Variants in DOCK4 observed in about 807,000 individuals in gnomAD.
DOCK4 encodes the protein dedicator of cytokinesis 4.
In DOCK4, 97 loss-of-function variants were observed where a neutral mutation model predicts 268.1. The ratio of observed to expected loss-of-function variants is 0.36; its 90% CI spans 0.31 to 0.43. The LOEUF is 0.43. Ranked by LOEUF, DOCK4 falls within the 20% of genes least tolerant of loss-of-function variation. The probability of loss-of-function intolerance (pLI) is 1.00; values close to 1 mark genes in which losing one functional copy is unlikely to be tolerated. For missense variants in DOCK4, 2,145 were observed against 2,455.7 expected (o/e 0.87, Z 2.67); for synonymous variants, 954 against 887.2 (o/e 1.08, Z -1.34).
In DOCK4 at chr7:111,727,202, CCTT is replaced by C. The variant is rs1352800627; in HGVS notation, c.*1069_*1071del. ...AGCTAGAGAAGTCTACAGCAATCCTCCTTCAAGAGAAAGACGACAGGTCAGCTA... is the reference window on the plus strand; with the variant it reads ...AGCTAGAGAAGTCTACAGCAATCCTCCAAGAGAAAGACGACAGGTCAGCTA... On this transcript the variant is annotated 3_prime_UTR_variant, in exon 53 of 53. Coordinates refer to ENST00000428084, the MANE Select transcript of DOCK4 (RefSeq NM_001363540.2). The C allele has an allele frequency of 6.6e-6, 1 of 152,638 alleles. No homozygotes were observed. The highest frequency in any genetic ancestry group is 2.4e-5 in the African/African-American group (1 of 41,458). 9.5% of individuals were successfully genotyped at this position (152,638 alleles called of 1,614,324 possible).
At chr7:111,904,647 A>C (rs1465703858) in intron 13 of DOCK4, among the ~76,000 whole-genome samples, 1 of 152,150 alleles carries the variant, frequency 6.6e-6, no homozygotes, top group East Asian at 1.9e-4. Flanking sequence ...ATTCAAATAC[A>C]CTAAAGGCAT....
At chr7:111,762,757 G>GTTTT (rs1797499588) in intron 39 of DOCK4, among the ~76,000 whole-genome samples, 13 of 55,000 alleles carry the variant, frequency 2.4e-4, no homozygotes, top group South Asian at 1.4e-3. Context: ...ATTTTGTTTT[G>GTTTT]TTTTCTTTTT....
At chr7:111,981,730 T>A (rs939397397) in intron 7 of DOCK4, among the ~76,000 whole-genome samples, 1 of 152,178 alleles carries the variant, frequency 6.6e-6, no homozygotes, top group Admixed American at 6.6e-5. Flanking sequence ...ATGAAGACTT[T>A]GGACTAGGAT....
intron 26 of DOCK4, among the ~76,000 whole-genome samples, chr7:111,833,185 G>A (rs1802972408): frequency 6.6e-6 from 1 of 152,100 alleles, no homozygotes; most frequent in South Asian, 2.1e-4. Flanking sequence ...TGACATTATG[G>A]GTTTTTGTAC....
intron 30 of DOCK4, among the ~76,000 whole-genome samples, chr7:111,799,792 G>C (rs547889223): frequency 6.6e-6 from 1 of 152,108 alleles, no homozygotes; most frequent in African/African-American, 2.4e-5. Context: ...ACATGGGATT[G>C]CATTTGTAAC....
At chr7:112,123,993 G>A (rs1459014719) in intron 1 of DOCK4, among the ~76,000 whole-genome samples, 2 of 152,038 alleles carry the variant, frequency 1.3e-5, no homozygotes, top group Admixed American at 6.5e-5. Context: ...ATGAGGATAG[G>A]GTATTAGTTT....
rs932230976 is a variant in DOCK4, at chr7:112,098,525, A to G, written c.38-94394T>C. On this transcript the variant is annotated intron_variant, in intron 1 of 52. Transcript: ENST00000428084. ...AAATTATATATATATAATTTCCTTT[A>G]GCAGTGAATAGGTACTATTTTATAT... Among the ~76,000 whole-genome samples, 3 of 149,884 alleles carry G rather than the reference A, an allele frequency of 2.0e-5. No homozygotes were observed. The Admixed American group carries it at 2.0e-4, about 10-fold the overall frequency.
At chr7:111,977,059 T>C in intron 8 of DOCK4, 73 bp downstream of exon 8, 1 of 1,539,984 alleles carries the variant, frequency 6.5e-7, no homozygotes, top group Non-Finnish European at 8.8e-7. Context: ...ATATATATCT[T>C]ACAGCTTGCC....
intron 23 of DOCK4, among the ~76,000 whole-genome samples, chr7:111,856,475 C>G (rs1435209063): frequency 3.9e-5 from 6 of 152,184 alleles, no homozygotes; most frequent in Admixed American, 3.9e-4. Context: ...ATACATCTTT[C>G]TAGGTTCTTG....
rs1795330771 is a variant in DOCK4 at position 111,734,521 on chromosome 7, T to C, written c.5419+533A>G. ...CTGCTTAAACGACCACCTGAGGGGA[T>C]GCGGTACCCTGAATCAACCCTTTGC... On this transcript the variant is annotated intron_variant, in intron 51 of 52. Coordinates refer to ENST00000428084, the MANE Select transcript of DOCK4 (RefSeq NM_001363540.2). Among the ~76,000 whole-genome samples, 4 of 152,174 alleles carry C rather than the reference T, an allele frequency of 2.6e-5. No individual in the cohort carries two copies. The South Asian group carries it at 8.3e-4, about 31-fold the overall frequency.
chr7:111,863,671 G>T, intron 22 of DOCK4, 107 bp from the exon 23 acceptor site: 1 of 1,155,156 alleles, frequency 8.7e-7, no homozygotes, highest in Non-Finnish European at 1.2e-6. Flanking sequence ...TGAATGGTAG[G>T]AATAGAAGTA....
intron 12 of DOCK4, among the ~76,000 whole-genome samples, chr7:111,929,441 G>T (rs1794013622): frequency 6.6e-6 from 1 of 151,984 alleles, no homozygotes; most frequent in African/African-American, 2.4e-5. Flanking sequence ...CAGCAAAAAG[G>T]TCACATATTA....
At chr7:112,113,978 G>A (rs1168312483) in intron 1 of DOCK4, among the ~76,000 whole-genome samples, 2 of 151,754 alleles carry the variant, frequency 1.3e-5, no homozygotes, top group African/African-American at 4.8e-5. Context: ...TTTACCCCTA[G>A]CCCCACAAAC....
intron 38 of DOCK4, 111 bp downstream of exon 38, chr7:111,766,921 A>C: frequency 1.3e-6 from 1 of 765,246 alleles, no homozygotes; most frequent in Non-Finnish European, 2.2e-6. Context: ...CAGAGGATTT[A>C]TCTTAAAAAG....
At chr7:112,023,051 C>T (rs1802466559) in intron 1 of DOCK4, among the ~76,000 whole-genome samples, 1 of 152,096 alleles carries the variant, frequency 6.6e-6, no homozygotes, top group South Asian at 2.1e-4. Flanking sequence ...CCTTTGCCTC[C>T]CGAGTAGCTG....
At chr7:111,878,675 G>A (rs1213720460) in intron 16 of DOCK4, among the ~76,000 whole-genome samples, 1 of 152,096 alleles carries the variant, frequency 6.6e-6, no homozygotes, top group Non-Finnish European at 1.5e-5. Context: ...ATAATGCAGT[G>A]ACTTGGGGAC....
chr7:111,903,257 G>T (rs1324368631), intron 13 of DOCK4, among the ~76,000 whole-genome samples: 1 of 152,132 alleles, frequency 6.6e-6, no homozygotes, highest in African/African-American at 2.4e-5. Context: ...CAAGGATACA[G>T]GTGGGCCATA....
intron 1 of DOCK4, among the ~76,000 whole-genome samples, chr7:112,017,272 C>T (rs1295777160): frequency 6.6e-6 from 1 of 152,184 alleles, no homozygotes; most frequent in East Asian, 1.9e-4. Flanking sequence ...AAATAAGACA[C>T]TGGCTTCAAA....
chr7:111,865,617 C>T (rs1433421137), intron 22 of DOCK4, among the ~76,000 whole-genome samples: 2 of 152,212 alleles, frequency 1.3e-5, no homozygotes, highest in African/African-American at 4.8e-5. Flanking sequence ...TACATAATGT[C>T]ACATGACAAA....
Sources: allele counts gnomAD v4.1 joint callset (sites outside exome capture counted in the v4.1 genomes callset), GRCh38; gene constraint gnomAD v4.1.1; transcripts MANE v1.5; gene names NCBI Gene and HGNC (gene_info 2026-07-23, HGNC 2026-07-21).